The following TMEM135 variants were observed in gnomAD, a reference collection of about 807,000 sequenced individuals.
TMEM135 encodes transmembrane protein 135, also known as peroxisomal membrane protein 52.
In TMEM135, 30 loss-of-function variants were observed where a neutral mutation model predicts 60.3. That is an observed-to-expected ratio of 0.50 (90% CI 0.37 to 0.68). TMEM135 has a LOEUF of 0.68. TMEM135 is among the 30% of genes least tolerant of loss of function. The pLI, the probability that TMEM135 is intolerant of heterozygous loss-of-function variation, is 0.00. For missense variants in TMEM135, 468 were observed against 548.8 expected, an observed-to-expected ratio of 0.85 and a Z score of 1.47; for synonymous variants, 190 against 186.7, an observed-to-expected ratio of 1.02 and a Z score of -0.14.
Position 87,298,642 on chromosome 11 carries a change from C to T in TMEM135, c.551+2819C>T, listed in dbSNP as rs375095134. 2.4e-4 allele frequency among the ~76,000 whole-genome samples: 37 copies of T among 151,204 alleles called. No individual in the cohort carries two copies. In the East Asian group the frequency reaches 5.5e-3, roughly 22 times the overall value. Reference sequence around the variant, plus strand: ...TCTCTATTAAAAATACAAAAATTAGCCAGGCATGGTGGTGGGCATCTGTAA... The same window carrying T: ...TCTCTATTAAAAATACAAAAATTAGTCAGGCATGGTGGTGGGCATCTGTAA... On this transcript the variant is annotated intron_variant, in intron 7 of 14. Coordinates refer to ENST00000305494, the MANE Select transcript of TMEM135 (RefSeq NM_022918.4).
chr11:87,247,152 G>T (rs1565501104), intron 6 of TMEM135, among the ~76,000 whole-genome samples: 1 of 151,760 alleles, frequency 6.6e-6, no homozygotes, highest in East Asian at 1.9e-4. Context: ...CAGCAGCCGT[G>T]GCTGCAGAAG....
chr11:87,127,435 C>T (rs553051026), intron 4 of TMEM135, among the ~76,000 whole-genome samples: 11 of 152,246 alleles, frequency 7.2e-5, no homozygotes, highest in African/African-American at 1.7e-4. Flanking sequence ...GTATCTGGAA[C>T]GTCACTTTTT....
intron 3 of TMEM135, among the ~76,000 whole-genome samples, chr11:87,090,760 A>T (rs1857188631): frequency 1.3e-5 from 2 of 152,106 alleles, no homozygotes; most frequent in African/African-American, 4.8e-5. Flanking sequence ...TAAGTTTGGT[A>T]AATATGCAGT....
At chr11:87,204,891 T>G (rs1408144821) in intron 5 of TMEM135, among the ~76,000 whole-genome samples, 2 of 152,180 alleles carry the variant, frequency 1.3e-5, no homozygotes, top group Middle Eastern at 3.2e-3. Flanking sequence ...TTATGACTAT[T>G]CTTTTCTTTA....
At chr11:87,183,428 A>G (rs1939571106) in intron 5 of TMEM135, among the ~76,000 whole-genome samples, 1 of 151,778 alleles carries the variant, frequency 6.6e-6, no homozygotes, top group Admixed American at 6.6e-5. Context: ...GGTGTGAGCC[A>G]CCACACCTGG....
chr11:87,063,683 G>A (rs1949970539), intron 1 of TMEM135, among the ~76,000 whole-genome samples: 1 of 152,174 alleles, frequency 6.6e-6, no homozygotes, highest in Non-Finnish European at 1.5e-5. Context: ...CTACTGAGAG[G>A]ATCATTATTT....
At chr11:87,236,731 C>G in intron 6 of TMEM135, 47 bp downstream of exon 6, 1 of 1,544,996 alleles carries the variant, frequency 6.5e-7, no homozygotes, top group Non-Finnish European at 8.9e-7. Flanking sequence ...AACAGTATCT[C>G]TTTGTAATTT....
At chr11:87,164,908 G>A (rs1938994473) in intron 5 of TMEM135, among the ~76,000 whole-genome samples, 1 of 19,562 alleles carries the variant, frequency 5.1e-5, no homozygotes, top group African/African-American at 2.7e-4. Context: ...AGACTTTGCT[G>A]AAGTTGCTTA....
At chr11:87,161,184 C>T (rs545215052) in intron 5 of TMEM135, among the ~76,000 whole-genome samples, 12 of 152,272 alleles carry the variant, frequency 7.9e-5, no homozygotes, top group East Asian at 1.9e-4. Context: ...AGGCATGAGC[C>T]GCTGTGCCTG....
chr11:87,065,190 T>C (rs1284792996), intron 1 of TMEM135, among the ~76,000 whole-genome samples: 2 of 152,212 alleles, frequency 1.3e-5, no homozygotes, highest in Non-Finnish European at 2.9e-5. Context: ...TGTTTTTATT[T>C]CTCAGAGATA....
At chr11:87,040,633 G>C (rs12791673) in intron 1 of TMEM135, among the ~76,000 whole-genome samples, 1 of 149,324 alleles carries the variant, frequency 6.7e-6, no homozygotes, top group African/African-American at 2.5e-5. Context: ...TTGCACTCCA[G>C]CCTGGGAAAC....
intron 4 of TMEM135, among the ~76,000 whole-genome samples, chr11:87,138,905 G>A (rs1938187648): frequency 6.6e-6 from 1 of 152,112 alleles, no homozygotes; most frequent in Admixed American, 6.5e-5. Flanking sequence ...GGTGACATGT[G>A]GAATTTTGTA....
At chr11:87,129,003 GT>G (rs985875223) in intron 4 of TMEM135, among the ~76,000 whole-genome samples, 32 of 123,848 alleles carry the variant, frequency 2.6e-4, no homozygotes, top group East Asian at 8.2e-4. Context: ...CAGGTTTAAG[GT>G]TTTTTTTTTT....
rs571706129 is a variant in TMEM135 at position 87,143,879 on chromosome 11, G to A, written c.397-13462G>A. ...TCAGAACCGCTGGGGAGTTTGGTGC[G>A]CACCCCTTGGCAAGAAAGGCAAAAA... On this transcript the variant is annotated intron_variant, in intron 4 of 14. Coordinates refer to ENST00000305494, the MANE Select transcript of TMEM135 (RefSeq NM_022918.4). Among the ~76,000 whole-genome samples, 14 of 152,174 alleles carry A rather than the reference G, an allele frequency of 9.2e-5. No individual in the cohort carries two copies. The South Asian group carries it at 2.1e-3, about 23-fold the overall frequency.
intron 5 of TMEM135, among the ~76,000 whole-genome samples, chr11:87,208,731 A>G (rs1940294468): frequency 6.6e-6 from 1 of 152,212 alleles, no homozygotes; most frequent in African/African-American, 2.4e-5. Context: ...GTGAGATACT[A>G]TGTAAGACAA....
chr11:87,277,813 T>C (rs1159835698), intron 6 of TMEM135, among the ~76,000 whole-genome samples: 1 of 152,182 alleles, frequency 6.6e-6, no homozygotes. Context: ...TGAGCCACCA[T>C]GCCCGGCCAA....
chr11:87,182,414 A>T (rs1430390573), intron 5 of TMEM135, among the ~76,000 whole-genome samples: 1 of 152,148 alleles, frequency 6.6e-6, no homozygotes, highest in Non-Finnish European at 1.5e-5. Flanking sequence ...ATACCTAGTT[A>T]GGATAAAATG....
At chr11:87,066,308 C>T (rs1856650268) in intron 1 of TMEM135, among the ~76,000 whole-genome samples, 1 of 152,090 alleles carries the variant, frequency 6.6e-6, no homozygotes, top group Non-Finnish European at 1.5e-5. Flanking sequence ...GTCTATTATT[C>T]TTCCCAGTTC....
chr11:87,113,467 T>A (rs1017654749), intron 4 of TMEM135, among the ~76,000 whole-genome samples: 1 of 152,144 alleles, frequency 6.6e-6, no homozygotes, highest in African/African-American at 2.4e-5. Flanking sequence ...TTTTAAAGAT[T>A]TAACTCTTTT....
Sources: allele counts gnomAD v4.1 joint callset (sites outside exome capture counted in the v4.1 genomes callset), GRCh38; gene constraint gnomAD v4.1.1; transcripts MANE v1.5; gene names NCBI Gene and HGNC (gene_info 2026-07-23, HGNC 2026-07-21).